The following HEATR4 variants were observed in gnomAD, a reference collection of about 807,000 sequenced individuals.
The protein encoded by HEATR4 is HEAT repeat-containing protein 4.
Under a neutral mutation model 108.8 loss-of-function variants are expected in HEATR4, and 95 were observed. That is an observed-to-expected ratio of 0.87 (90% CI 0.74 to 1.04). The LOEUF is 1.04. Ranked by LOEUF, HEATR4 falls within the 50% of genes least tolerant of loss-of-function variation. The pLI, the probability that HEATR4 is intolerant of heterozygous loss-of-function variation, is 0.00. For synonymous variants in HEATR4, 443 were observed against 459.4 expected, an observed-to-expected ratio of 0.96 and a Z score of 0.46; for missense variants, 1,152 against 1,253.8, an observed-to-expected ratio of 0.92 and a Z score of 1.23.
intron 17 of HEATR4, chr14:73,491,313 AC>A: frequency 6.6e-7 from 1 of 1,516,780 alleles, no homozygotes; most frequent in Non-Finnish European, 8.8e-7. Context: ...CCATACGGCC[AC>A]CTGGGGCCCG....
chr14:73,606,806 T>C, the HEATR4 span, among the ~76,000 whole-genome samples: 1 of 152,168 alleles, frequency 6.6e-6, no homozygotes, highest in Admixed American at 6.5e-5. Flanking sequence ...CACACAGTGA[T>C]CTTAGCTACT....
chr14:73,619,354 A>C, the HEATR4 span: 1 of 1,614,188 alleles, frequency 6.2e-7, no homozygotes. Flanking sequence ...TGTAGCCAAC[A>C]CAGTAGCTCC....
chr14:73,582,173 G>A, the HEATR4 span: 1 of 141,792 alleles, frequency 7.1e-6, no homozygotes, highest in East Asian at 2.1e-4. Context: ...GAAGGGAGGG[G>A]CGAAATGGAA....
chr14:73,490,981 C>G (rs768578485), intron 17 of HEATR4: 24 of 1,323,272 alleles, frequency 1.8e-5, no homozygotes, highest in South Asian at 2.2e-5. Flanking sequence ...GCTTCGCCCC[C>G]GGCCGGCCGG....
At chr14:73,607,078 G>A in the HEATR4 span, among the ~76,000 whole-genome samples, 5 of 152,214 alleles carry the variant, frequency 3.3e-5, no homozygotes, top group Admixed American at 6.5e-5. Context: ...TTGGGAGGCC[G>A]AGGTGGGTGG....
chr14:73,573,626 A>G, the HEATR4 span: 1 of 1,611,072 alleles, frequency 6.2e-7, no homozygotes, highest in Admixed American at 1.7e-5. Context: ...GCTATGATGT[A>G]TCAGGTCTCT....
chr14:73,498,265 A>G lies in HEATR4; in HGVS notation c.2436T>C (p.Gly812=). 1 of 1,614,082 alleles carries G rather than the reference A, an allele frequency of 6.2e-7. No individual in the cohort carries two copies. Among genetic ancestry groups the G allele is most frequent in the African/African-American group, 1.3e-5 (1 of 75,018 alleles). ...TGCTACGGCAAGCTTCCAGCCGTACACCTGGTGACTCTTCATAGTGGATAG... is the reference window on the plus strand; with the variant it reads ...TGCTACGGCAAGCTTCCAGCCGTACGCCTGGTGACTCTTCATAGTGGATAG... ...LWAIHYEESP[G]VRLEACRSIL... is the part of the protein sequence containing the mutation. The change falls in exon 14 of 18, where the codon GGT becomes GGC. Residue 812 remains glycine (G), a synonymous_variant. Transcript: ENST00000553558.
At position 73,478,522 on chromosome 14, in the gene HEATR4, C is replaced by T; in HGVS notation, c.*84G>A. 3.5e-6 allele frequency: 3 copies of T among 845,916 alleles called. No homozygotes were observed. Among genetic ancestry groups the T allele is most frequent in the African/African-American group, 3.4e-5 (2 of 58,934 alleles). The allele number at this position is 845,916 out of a possible 1,614,324, so 52.4% of individuals were successfully genotyped here. A position where few individuals can be genotyped will look rare whatever the true frequency, so the allele number is the denominator to read the frequency against. ...TTTCTCTTTATAAACATAGTGACAA[C>T]AAGATTGTACAGTATCAATTAAAAA... On this transcript the variant is annotated 3_prime_UTR_variant, in exon 18 of 18. Transcript: ENST00000553558.
chr14:73,495,852 G>T (rs1886081223), intron 15 of HEATR4, among the ~76,000 whole-genome samples: 2 of 152,144 alleles, frequency 1.3e-5, no homozygotes, highest in South Asian at 4.1e-4. Flanking sequence ...TCCAGGCCAG[G>T]CATGATGGCT....
At chr14:73,627,071 T>C in the HEATR4 span, among the ~76,000 whole-genome samples, 3 of 151,590 alleles carry the variant, frequency 2.0e-5, no homozygotes, top group Non-Finnish European at 4.4e-5. Flanking sequence ...GGATTACAGG[T>C]GTGAGCCACC....
chr14:73,592,457 C>T, the HEATR4 span: 1 of 1,458,492 alleles, frequency 6.9e-7, no homozygotes, highest in Non-Finnish European at 9.0e-7. Context: ...CGTCAGTGGC[C>T]TGAGTCTCCG....
At chr14:73,491,561 G>T in intron 17 of HEATR4, 2 of 1,540,004 alleles carry the variant, frequency 1.3e-6, no homozygotes, top group Non-Finnish European at 8.7e-7. Context: ...GCCGGCCTGG[G>T]ACTCCCCGCT....
the HEATR4 span, among the ~76,000 whole-genome samples, chr14:73,612,149 C>T: frequency 6.6e-6 from 1 of 151,566 alleles, no homozygotes; most frequent in Non-Finnish European, 1.5e-5. Flanking sequence ...TCAAGCAATT[C>T]TTCTGCCTCA....
the HEATR4 span, among the ~76,000 whole-genome samples, chr14:73,629,570 A>G: frequency 6.6e-6 from 1 of 152,166 alleles, no homozygotes; most frequent in Non-Finnish European, 1.5e-5. Flanking sequence ...GCAGAGCTGC[A>G]TGAAGGGGAC....
chr14:73,630,058 A>T, the HEATR4 span, among the ~76,000 whole-genome samples: 30 of 151,486 alleles, frequency 2.0e-4, no homozygotes, highest in African/African-American at 1.7e-4. Flanking sequence ...AAAAAATTTA[A>T]AAAAAAAAGA....
the HEATR4 span, among the ~76,000 whole-genome samples, chr14:73,586,648 G>C: frequency 6.6e-5 from 10 of 150,944 alleles, no homozygotes; most frequent in Non-Finnish European, 1.5e-5. Flanking sequence ...GGAGGTTGCA[G>C]TGACCCAAGA....
the HEATR4 span, among the ~76,000 whole-genome samples, chr14:73,630,785 G>T: frequency 6.6e-6 from 1 of 152,164 alleles, no homozygotes; most frequent in Non-Finnish European, 1.5e-5. Flanking sequence ...GATCTGCCTG[G>T]AAGAAAAGGG....
intron 6 of HEATR4, 38 bp from the exon 7 acceptor site, chr14:73,512,187 G>A: frequency 6.2e-7 from 1 of 1,611,130 alleles, no homozygotes. Flanking sequence ...AGAACCACCT[G>A]GTTAGGGTTA....
At chr14:73,499,041 G>GA (rs1175734328) in intron 13 of HEATR4, 30 bp downstream of exon 13, 1 of 1,589,870 alleles carries the variant, frequency 6.3e-7, no homozygotes, top group South Asian at 1.1e-5. Context: ...ATTTAAGGTT[G>GA]AAGAGTTTGG....
Sources: allele counts gnomAD v4.1 joint callset (sites outside exome capture counted in the v4.1 genomes callset), GRCh38; gene constraint gnomAD v4.1.1; transcripts MANE v1.5; gene names NCBI Gene and HGNC (gene_info 2026-07-23, HGNC 2026-07-21).